Variants in CSMD1 observed in about 807,000 individuals in gnomAD.
CSMD1 encodes CUB and Sushi multiple domains 1, also known as CUB and sushi domain-containing protein 1.
A neutral mutation model predicts 417.5 loss-of-function variants in CSMD1; 213 were observed. The ratio of observed to expected loss-of-function variants is 0.51; its 90% CI spans 0.46 to 0.57. The LOEUF (loss-of-function observed/expected upper bound fraction) is 0.57, where lower values mean the gene tolerates loss of function less well. CSMD1 is among the 20% of genes least tolerant of loss of function. The pLI is 0.00. For synonymous variants in CSMD1, 2,862 were observed against 1,736.8 expected, an observed-to-expected ratio of 1.65 and a Z score of -16.11; for missense variants, 6,923 against 4,529.7, an observed-to-expected ratio of 1.53 and a Z score of -15.17.
chr8:3,896,116 T>C (rs1446005234), intron 5 of CSMD1, among the ~76,000 whole-genome samples: 1 of 152,200 alleles, frequency 6.6e-6, no homozygotes, highest in Non-Finnish European at 1.5e-5. Flanking sequence ...GGGCCCATTC[T>C]TGGGGCTTGA....
At chr8:3,466,545 G>T (rs1322262719) in intron 12 of CSMD1, among the ~76,000 whole-genome samples, 1 of 150,888 alleles carries the variant, frequency 6.6e-6, no homozygotes, top group Non-Finnish European at 1.5e-5. Context: ...GTGTATCTGG[G>T]ATTACAGGTA....
At chr8:4,392,566 C>G (rs905478045) in intron 3 of CSMD1, among the ~76,000 whole-genome samples, 2 of 151,712 alleles carry the variant, frequency 1.3e-5, no homozygotes, top group Non-Finnish European at 2.9e-5. Context: ...AATATAAAAA[C>G]TTGTGTAAAT....
At chr8:3,274,383 G>A (rs552438463) in intron 26 of CSMD1, among the ~76,000 whole-genome samples, 1 of 152,230 alleles carries the variant, frequency 6.6e-6, no homozygotes, top group East Asian at 1.9e-4. Flanking sequence ...GTGGTGTGGT[G>A]CTGAAAAAAA....
chr8:4,064,347 A>C (rs1270666779), intron 3 of CSMD1, among the ~76,000 whole-genome samples: 1 of 152,110 alleles, frequency 6.6e-6, no homozygotes, highest in African/African-American at 2.4e-5. Flanking sequence ...GCTCTCTTTC[A>C]CAAATTGTAT....
At chr8:4,672,095 T>C (rs1196737026) in intron 1 of CSMD1, among the ~76,000 whole-genome samples, 1 of 152,208 alleles carries the variant, frequency 6.6e-6, no homozygotes, top group African/African-American at 2.4e-5. Flanking sequence ...TTCGGCTTTC[T>C]ACAGTGACAG....
chr8:3,663,999 T>G (rs1385524796), intron 7 of CSMD1, among the ~76,000 whole-genome samples: 1 of 152,230 alleles, frequency 6.6e-6, no homozygotes, highest in Non-Finnish European at 1.5e-5. Context: ...CTTCAGCCAT[T>G]GGATGGCTTG....
chr8:4,806,145 A>G (rs979721855), intron 1 of CSMD1, among the ~76,000 whole-genome samples: 1 of 152,186 alleles, frequency 6.6e-6, no homozygotes, highest in African/African-American at 2.4e-5. Context: ...AAAAGTCTCT[A>G]GGAAGTGATA....
At chr8:4,470,213 G>C (rs1563210146) in intron 2 of CSMD1, among the ~76,000 whole-genome samples, 1 of 151,868 alleles carries the variant, frequency 6.6e-6, no homozygotes, top group African/African-American at 2.4e-5. Flanking sequence ...GCCTCCTCTG[G>C]CCTCTGATAT....
chr8:4,431,300 CTG>C (rs1797859635), intron 2 of CSMD1, among the ~76,000 whole-genome samples: 1 of 152,082 alleles, frequency 6.6e-6, no homozygotes, highest in South Asian at 2.1e-4. Flanking sequence ...ATCTCACAAA[CTG>C]TATTTTTACT....
intron 52 of CSMD1, among the ~76,000 whole-genome samples, chr8:3,005,918 C>G (rs935758403): frequency 1.9e-4 from 29 of 152,064 alleles, no homozygotes; most frequent in Non-Finnish European, 3.5e-4. Flanking sequence ...GAAGTTCTGG[C>G]CAGGGCAATT....
At chr8:4,027,582 A>G (rs1797127959) in intron 4 of CSMD1, among the ~76,000 whole-genome samples, 1 of 152,122 alleles carries the variant, frequency 6.6e-6, no homozygotes, top group African/African-American at 2.4e-5. Flanking sequence ...ATGGTTCCTG[A>G]GGCCTCCGCA....
At chr8:4,121,976 T>C (rs980939031) in intron 3 of CSMD1, among the ~76,000 whole-genome samples, 2 of 152,060 alleles carry the variant, frequency 1.3e-5, no homozygotes, top group East Asian at 3.9e-4. Flanking sequence ...AATGCTTATG[T>C]ATAGATTTAC....
At chr8:4,447,960 C>G (rs1407876764) in intron 2 of CSMD1, among the ~76,000 whole-genome samples, 1 of 152,156 alleles carries the variant, frequency 6.6e-6, no homozygotes, top group Non-Finnish European at 1.5e-5. Flanking sequence ...AAAGACAATG[C>G]TAATAGTACC....
At chr8:3,472,577 T>C (rs1034588635) in intron 11 of CSMD1, among the ~76,000 whole-genome samples, 1 of 144,786 alleles carries the variant, frequency 6.9e-6, no homozygotes, top group Non-Finnish European at 1.5e-5. Context: ...AACTTGCTGA[T>C]TTATACTGAC....
At chr8:4,504,312 G>A (rs956204022) in intron 2 of CSMD1, among the ~76,000 whole-genome samples, 11 of 152,148 alleles carry the variant, frequency 7.2e-5, no homozygotes, top group African/African-American at 2.7e-4. Flanking sequence ...GTTGCCAGGT[G>A]TAGGGAAGAA....
At chr8:4,168,973 C>G (rs112112349) in intron 3 of CSMD1, among the ~76,000 whole-genome samples, 42 of 152,164 alleles carry the variant, frequency 2.8e-4, no homozygotes, top group African/African-American at 9.6e-4. Flanking sequence ...ATCCTCAGGC[C>G]GTTCTCCTCA....
intron 4 of CSMD1, among the ~76,000 whole-genome samples, chr8:4,006,050 T>C (rs962255707): frequency 1.3e-5 from 2 of 152,182 alleles, no homozygotes; most frequent in African/African-American, 4.8e-5. Context: ...AAAGGAACTA[T>C]TCAAGGAATG....
At chr8:4,280,294 A>T (rs1181930757) in intron 3 of CSMD1, among the ~76,000 whole-genome samples, 1 of 152,224 alleles carries the variant, frequency 6.6e-6, no homozygotes, top group Non-Finnish European at 1.5e-5. Context: ...ATAATGTAGT[A>T]TATAATAAGC....
intron 3 of CSMD1, among the ~76,000 whole-genome samples, chr8:4,078,780 A>T (rs1242053823): frequency 2.7e-5 from 4 of 150,422 alleles, no homozygotes; most frequent in Admixed American, 2.6e-4. Flanking sequence ...TTACACCTGT[A>T]ATCCTAGCAC....
Sources: gnomAD v4.1 joint callset for allele counts (sites outside exome capture counted in the v4.1 genomes callset) on GRCh38, gnomAD v4.1.1 for gene constraint, MANE v1.5 for transcripts, NCBI Gene and HGNC (gene_info 2026-07-23, HGNC 2026-07-21) for gene names.